The following PI4KA variants were observed in gnomAD, a reference collection of about 807,000 sequenced individuals.
The protein encoded by PI4KA is PI4-kinase alpha.
PI4KA carries 122 observed loss-of-function variants against 271.4 expected under a neutral mutation model. That is an observed-to-expected ratio of 0.45 (90% CI 0.39 to 0.52). PI4KA has a LOEUF of 0.52. PI4KA is among the 20% of genes least tolerant of loss of function. The pLI is 0.00. For missense variants in PI4KA, 1,969 were observed against 2,769.1 expected (o/e 0.71, Z 6.48); for synonymous variants, 1,041 against 1,078.8 (o/e 0.96, Z 0.69).
chr22:20,730,933 T>C (rs1778204676), intron 36 of PI4KA, among the ~76,000 whole-genome samples: 1 of 151,790 alleles, frequency 6.6e-6, no homozygotes. Flanking sequence ...TCCCAGCACT[T>C]TGGGAGGCTG....
intron 23 of PI4KA, among the ~76,000 whole-genome samples, chr22:20,756,207 T>C (rs2147350388): frequency 7.7e-6 from 1 of 129,446 alleles, no homozygotes; most frequent in South Asian, 2.5e-4. Context: ...GTATAATAGC[T>C]TTTTTTTTTT....
chr22:20,779,158 A>G, intron 19 of PI4KA: 2 of 1,539,822 alleles, frequency 1.3e-6, no homozygotes, highest in South Asian at 2.4e-5. Context: ...CTTAAAGTCC[A>G]TGATCCTAAA....
At chr22:20,749,818 T>C in intron 28 of PI4KA, 87 bp downstream of exon 28, 1 of 790,796 alleles carries the variant, frequency 1.3e-6, no homozygotes, top group East Asian at 2.5e-5. Flanking sequence ...TAGTGCTATT[T>C]GGATTTTGAG....
intron 18 of PI4KA, among the ~76,000 whole-genome samples, chr22:20,793,762 T>C (rs765419625): frequency 2.0e-5 from 3 of 152,244 alleles, no homozygotes; most frequent in African/African-American, 7.2e-5. Flanking sequence ...AATAAACATA[T>C]ATTCTTCCCA....
chr22:20,835,182 T>C (rs371111734), intron 2 of PI4KA, among the ~76,000 whole-genome samples: 96 of 152,262 alleles, frequency 6.3e-4, no homozygotes, highest in Admixed American at 7.2e-4. Context: ...TCTTCTCAAG[T>C]TGAGCATCAG....
intron 29 of PI4KA, among the ~76,000 whole-genome samples, chr22:20,746,297 C>A (rs1014381232): frequency 6.6e-6 from 1 of 151,880 alleles, no homozygotes; most frequent in Non-Finnish European, 1.5e-5. Context: ...CCACTGACCT[C>A]GTGATCCGCC....
intron 18 of PI4KA, 47 bp downstream of exon 18, chr22:20,796,099 C>G (rs746947532): frequency 1.3e-6 from 2 of 1,561,538 alleles, no homozygotes; most frequent in Non-Finnish European, 1.8e-6. Context: ...CCTTGGCCAG[C>G]AGGGATAGGA....
At chr22:20,828,165 TTGG>T (rs1923686278) in intron 3 of PI4KA, among the ~76,000 whole-genome samples, 1 of 152,198 alleles carries the variant, frequency 6.6e-6, no homozygotes, top group Admixed American at 6.5e-5. Context: ...TTGGATGTTG[TTGG>T]TGTATAGGAA....
chr22:20,805,775 T>C (rs1275060970), intron 10 of PI4KA, among the ~76,000 whole-genome samples: 2 of 144,128 alleles, frequency 1.4e-5, no homozygotes, highest in Non-Finnish European at 3.0e-5. Flanking sequence ...GAGCTTGCAG[T>C]GAGCCAAGAT....
chr22:20,781,851 C>T (rs1362478210), intron 19 of PI4KA, among the ~76,000 whole-genome samples: 2 of 152,228 alleles, frequency 1.3e-5, no homozygotes, highest in African/African-American at 4.8e-5. Context: ...ACAAGTCATT[C>T]AACATCTCTA....
chr22:20,807,364 T>G lies in PI4KA; in HGVS notation c.1166A>C (p.Lys389Thr). Reference sequence around the variant, plus strand: ...ACACATGGGCAAACTGTCCTCACCCTTCATGTAGTACAGAGTGTCACGCAG... The same window carrying G: ...ACACATGGGCAAACTGTCCTCACCCGTCATGTAGTACAGAGTGTCACGCAG... Reference protein sequence around the residue: ...KMLRDTLYYMKDLPTSFVKEI... With the variant: ...KMLRDTLYYMTDLPTSFVKEI... The change falls in exon 10 of 55, where the codon AAG (lysine) becomes ACG (threonine). Residue 389 changes from lysine (K) to threonine (T), a missense_variant and splice_region_variant. Around this residue, in one of 13 missense-constraint regions of PI4KA, gnomAD observed 540 missense variants for 555.5 expected, o/e 0.97. Transcript: ENST00000255882. The G allele has an allele frequency of 6.3e-7, 1 of 1,595,856 alleles. No homozygotes were observed. The highest frequency in any genetic ancestry group is 8.6e-7 in the Non-Finnish European group (1 of 1,163,334).
intron 1 of PI4KA, among the ~76,000 whole-genome samples, chr22:20,854,510 T>G (rs1927359412): frequency 1.3e-5 from 2 of 152,048 alleles, no homozygotes; most frequent in African/African-American, 4.8e-5. Context: ...CTAGAGTAAG[T>G]AAACACAACT....
Position 20,738,061 on chromosome 22 carries a change from T to C in PI4KA, c.3742-3508A>G, listed in dbSNP as rs188123320. 2.2e-3 allele frequency among the ~76,000 whole-genome samples: 333 copies of C among 152,292 alleles called. 2 individuals carry two copies. The highest frequency in any genetic ancestry group is 7.9e-3 in the African/African-American group (328 of 41,546). On this transcript the variant is annotated intron_variant, in intron 32 of 54. Coordinates refer to ENST00000255882, the MANE Select transcript of PI4KA (RefSeq NM_058004.4). ...TGAAACCAGGGCTTCCAGAAGACCC[T>C]GAGAGGAGGGCACACTTGTCCTCTT...
chr22:20,792,898 T>A (rs1660713064), intron 19 of PI4KA, among the ~76,000 whole-genome samples: 2 of 151,966 alleles, frequency 1.3e-5, no homozygotes, highest in South Asian at 2.1e-4. Flanking sequence ...AGGATGAAAG[T>A]GGAGTCAGAT....
intron 10 of PI4KA, among the ~76,000 whole-genome samples, chr22:20,807,078 G>C (rs1187948664): frequency 6.6e-6 from 1 of 152,120 alleles, no homozygotes; most frequent in Admixed American, 6.5e-5. Context: ...ATGTAAAACT[G>C]TATCTGTCCT....
At chr22:20,739,425 G>C (rs539335627) in intron 32 of PI4KA, among the ~76,000 whole-genome samples, 1 of 150,250 alleles carries the variant, frequency 6.7e-6, no homozygotes, top group Admixed American at 6.6e-5. Flanking sequence ...CTTGAGCTCA[G>C]GAATTTGACG....
At chr22:20,790,141 A>T (rs1475779111) in intron 19 of PI4KA, among the ~76,000 whole-genome samples, 4 of 152,198 alleles carry the variant, frequency 2.6e-5, no homozygotes, top group African/African-American at 9.7e-5. Context: ...GTTGCGGTAC[A>T]AAGATCACCA....
At chr22:20,724,836 C>A (rs1261863635) in intron 42 of PI4KA, among the ~76,000 whole-genome samples, 1 of 151,978 alleles carries the variant, frequency 6.6e-6, no homozygotes, top group Non-Finnish European at 1.5e-5. Flanking sequence ...AAGCAGAGAG[C>A]CAAGCAGTCA....
At chr22:20,762,602 G>A (rs1932088586) in intron 22 of PI4KA, among the ~76,000 whole-genome samples, 1 of 152,170 alleles carries the variant, frequency 6.6e-6, no homozygotes, top group Non-Finnish European at 1.5e-5. Flanking sequence ...AGGTAGCTCT[G>A]CCTTCAAACC....
Sources: allele counts gnomAD v4.1 joint callset (sites outside exome capture counted in the v4.1 genomes callset), GRCh38; gene constraint gnomAD v4.1.1; regional missense constraint gnomAD v4.1.1; transcripts MANE v1.5; gene names NCBI Gene and HGNC (gene_info 2026-07-23, HGNC 2026-07-21).